The following BRWD3 variants were observed in gnomAD, a reference collection of about 807,000 sequenced individuals.
BRWD3 encodes bromodomain and WD repeat domain containing 3, also known as bromodomain and WD repeat-containing protein 3.
BRWD3 carries 10 observed loss-of-function variants against 149.7 expected under a neutral mutation model. The observed-to-expected ratio is 0.07, with a 90% CI of 0.04 to 0.11. BRWD3 has a LOEUF of 0.11. Ranked by LOEUF, BRWD3 falls within the 10% of genes least tolerant of loss-of-function variation. The pLI is 1.00. For synonymous variants in BRWD3, 504 were observed against 456.7 expected (o/e 1.10, Z -1.32); for missense variants, 940 against 1,373.2 (o/e 0.68, Z 4.99).
At chrX:80,699,483 C>G (rs1281224775) in intron 25 of BRWD3, among the ~76,000 whole-genome samples, 2 of 111,510 alleles carry the variant, frequency 1.8e-5, no homozygotes, top group African/African-American at 3.3e-5. Context: ...CAAAATCATT[C>G]TCCATAAAAT....
rs369328692 is a variant in BRWD3, at chrX:80,682,527, C to T, written c.4335G>A (p.Arg1445=). 5 of 1,208,468 alleles carry T rather than the reference C, an allele frequency of 4.1e-6. No individual in the cohort carries two copies. The African/African-American group carries it at 7.0e-5, about 17-fold the overall frequency. ...KSAIQSQKRR[R]PRYRKRLRSS... The stretch of plus-strand genomic sequence containing the variant: ...TTCTTAGACGTTTTCTGTACCGTGG[C>T]CTTCTCCTCTTCTGACTCTGGATTG... Residue 1445 remains arginine, a synonymous_variant, in exon 38 of 41, where the codon AGG becomes AGA. Coordinates refer to ENST00000373275, the MANE Select transcript of BRWD3 (RefSeq NM_153252.5).
intron 14 of BRWD3, among the ~76,000 whole-genome samples, chrX:80,726,394 G>A (rs1445837138): frequency 1.8e-5 from 2 of 109,404 alleles, no homozygotes; most frequent in Non-Finnish European, 3.8e-5. Context: ...AACATAACAT[G>A]TTTACATATG....
At chrX:80,712,922 C>T (rs1319867841) in intron 20 of BRWD3, among the ~76,000 whole-genome samples, 3 of 108,938 alleles carry the variant, frequency 2.8e-5, no homozygotes, top group East Asian at 3.0e-4. Context: ...GCAGCCGCCC[C>T]GTCTGAGAAG....
At chrX:80,742,211 A>G (rs191863707) in intron 8 of BRWD3, among the ~76,000 whole-genome samples, 1 of 111,018 alleles carries the variant, frequency 9.0e-6, no homozygotes, top group African/African-American at 3.3e-5. Context: ...GCCAAAGATC[A>G]GATGGTTGTA....
At chrX:80,781,976 T>C (rs1232660306) in intron 6 of BRWD3, among the ~76,000 whole-genome samples, 2 of 111,774 alleles carry the variant, frequency 1.8e-5, no homozygotes, top group Admixed American at 9.5e-5. Flanking sequence ...AAAATACCAA[T>C]GACATTCTTC....
chrX:80,808,633 G>C (rs767855271), intron 3 of BRWD3, 35 bp from the exon 4 acceptor site: 2 of 1,170,586 alleles, frequency 1.7e-6, no homozygotes, highest in Non-Finnish European at 2.3e-6. Context: ...GGGAAGCGGA[G>C]GCAAATGATG....
chrX:80,722,141 C>T (rs1420405828), intron 17 of BRWD3, among the ~76,000 whole-genome samples: 1 of 112,109 alleles, frequency 8.9e-6, no homozygotes, highest in Non-Finnish European at 1.9e-5. Context: ...AGCCACCGCG[C>T]CTGGCCAGTC....
At chrX:80,785,803 A>T (rs994004404) in intron 6 of BRWD3, among the ~76,000 whole-genome samples, 1 of 112,457 alleles carries the variant, frequency 8.9e-6, no homozygotes, top group African/African-American at 3.2e-5. Context: ...CAAGGCAGGC[A>T]GATGACCTGG....
At chrX:80,707,212 A>T (rs936964932) in intron 22 of BRWD3, among the ~76,000 whole-genome samples, 1 of 112,627 alleles carries the variant, frequency 8.9e-6, no homozygotes, top group Non-Finnish European at 1.9e-5. Context: ...TTTAAAAAGA[A>T]TCTTATTTTA....
At chrX:80,809,184 C>T in intron 2 of BRWD3, 62 bp downstream of exon 2, 1 of 1,155,367 alleles carries the variant, frequency 8.7e-7, no homozygotes, top group Non-Finnish European at 1.2e-6. Flanking sequence ...GCTCGTCCCG[C>T]TGCCTCGATT....
At chrX:80,740,067 T>C (rs2073462869) in intron 8 of BRWD3, among the ~76,000 whole-genome samples, 1 of 112,151 alleles carries the variant, frequency 8.9e-6, no homozygotes, top group Non-Finnish European at 1.9e-5. Context: ...TCAAAATGCA[T>C]GAAATAATTT....
At chrX:80,801,614 G>T (rs993307359) in intron 4 of BRWD3, among the ~76,000 whole-genome samples, 1 of 109,620 alleles carries the variant, frequency 9.1e-6, no homozygotes, top group African/African-American at 3.3e-5. Flanking sequence ...GCGTAGGTGG[G>T]CTGATCACTT....
At chrX:80,770,278 G>C (rs780786872) in intron 6 of BRWD3, among the ~76,000 whole-genome samples, 2 of 111,384 alleles carry the variant, frequency 1.8e-5, no homozygotes, top group Non-Finnish European at 3.8e-5. Flanking sequence ...TGATACCAAA[G>C]CCTGGCAGAG....
intron 4 of BRWD3, among the ~76,000 whole-genome samples, chrX:80,796,422 C>A (rs913316730): frequency 3.6e-5 from 4 of 111,589 alleles, no homozygotes; most frequent in African/African-American, 1.3e-4. Context: ...AGCCACCGTG[C>A]CCAACCTAAT....
At chrX:80,698,904 C>A (rs759547466) in intron 25 of BRWD3, among the ~76,000 whole-genome samples, 2 of 110,707 alleles carry the variant, frequency 1.8e-5, no homozygotes, top group East Asian at 5.7e-4. Flanking sequence ...TAAATCAAAT[C>A]TTTATCTTAA....
rs1288046617 is a variant in BRWD3, at chrX:80,768,934, T to G, written c.430+22920A>C. ...AAAAAAAGAAAAAAAAAAGCAGGGG[T>G]TGCAGTCCTAGTCTCTGATAAAACA... is the stretch of plus-strand genomic sequence containing the variant. On this transcript the variant is annotated intron_variant, in intron 6 of 40. Transcript: ENST00000373275. Among the ~76,000 whole-genome samples the G allele has an allele frequency of 2.1e-4, 22 of 106,544 alleles. 1 individual carries two copies. The highest frequency in any genetic ancestry group is 7.5e-4 in the African/African-American group (22 of 29,256). 92.5% of individuals were successfully genotyped at this position (106,544 alleles called of 115,157 possible).
chrX:80,739,096 T>C lies in BRWD3; in HGVS notation c.814-3008A>G, dbSNP rs779429262. On this transcript the variant is annotated intron_variant, in intron 8 of 40. Transcript: ENST00000373275. ...TGCAGGCAGATCGGTTAGAAGTCTA[T>C]TTCAATAATCTAGACCACAGGTGAT... Among the ~76,000 whole-genome samples the C allele has an allele frequency of 1.1e-4, 12 of 111,965 alleles. No homozygotes were observed. In the South Asian group the frequency reaches 4.5e-3, roughly 42 times the overall value.
At chrX:80,681,937 T>C in intron 39 of BRWD3, 60 bp downstream of exon 39, 1 of 939,462 alleles carries the variant, frequency 1.1e-6, no homozygotes, top group South Asian at 2.0e-5. Flanking sequence ...GCCTCTTCTA[T>C]ATCCTTAATA....
At chrX:80,733,724 G>T (rs1024775228) in intron 11 of BRWD3, among the ~76,000 whole-genome samples, 4 of 110,372 alleles carry the variant, frequency 3.6e-5, no homozygotes, top group African/African-American at 1.3e-4. Flanking sequence ...GAGACAAATA[G>T]TTCTGAATAG....
Sources: allele counts gnomAD v4.1 joint callset (sites outside exome capture counted in the v4.1 genomes callset), GRCh38; gene constraint gnomAD v4.1.1; transcripts MANE v1.5; gene names NCBI Gene and HGNC (gene_info 2026-07-23, HGNC 2026-07-21).